FILIP1: variants seen among roughly 807,000 people sequenced by gnomAD.
FILIP1 encodes filamin-A-interacting protein 1.
In FILIP1, 61 loss-of-function variants were observed where a neutral mutation model predicts 102.1. The ratio of observed to expected loss-of-function variants is 0.60; its 90% CI spans 0.49 to 0.74. The LOEUF (loss-of-function observed/expected upper bound fraction) is 0.74, where lower values mean the gene tolerates loss of function less well. Ranked by LOEUF, FILIP1 falls within the 30% of genes least tolerant of loss-of-function variation. The pLI is 0.00. For missense variants in FILIP1, 1,314 were observed against 1,441.2 expected (o/e 0.91, Z 1.43); for synonymous variants, 491 against 526.9 (o/e 0.93, Z 0.93).
At chr6:75,426,576 G>T (rs980210727) in intron 1 of FILIP1, among the ~76,000 whole-genome samples, 1 of 152,124 alleles carries the variant, frequency 6.6e-6, no homozygotes, top group African/African-American at 2.4e-5. Context: ...GCTAACAGGA[G>T]AGTCACCAAG....
chr6:75,431,702 C>G (rs1206219383), intron 1 of FILIP1, among the ~76,000 whole-genome samples: 1 of 152,174 alleles, frequency 6.6e-6, no homozygotes, highest in Non-Finnish European at 1.5e-5. Flanking sequence ...GCACAGCCAG[C>G]TGTCCTAGGC....
exon 7 of FILIP1, chr6:75,294,863 C>CTTTTTTTTTTTT (rs11299703): frequency 1.1e-5 from 1 of 90,536 alleles, no homozygotes; most frequent in East Asian, 3.6e-4. Flanking sequence ...CAGCTAACTT[C>CTTTTTTTTTTTT]TTTTTTTTTT....
At position 75,435,147 on chromosome 6, in the gene FILIP1, C is replaced by G. The variant is rs377101933; in HGVS notation, c.-6-20169G>C. ...ATCAGGGATATTGGTCTAAAATTCT[C>G]TTCTTTTGTTGTGTCTCTGCCAGGC... On this transcript the variant is annotated intron_variant, in intron 1 of 5. Coordinates refer to ENST00000237172, the MANE Select transcript of FILIP1 (RefSeq NM_015687.5). Among the ~76,000 whole-genome samples the G allele has an allele frequency of 1.9e-4, 29 of 152,172 alleles. 1 individual carries two copies. The highest frequency in any genetic ancestry group is 1.6e-3 in the Admixed American group (25 of 15,276).
chr6:75,461,620 A>G (rs1779024754), intron 1 of FILIP1, among the ~76,000 whole-genome samples: 1 of 152,162 alleles, frequency 6.6e-6, no homozygotes, highest in African/African-American at 2.4e-5. Context: ...GAGACCTACA[A>G]TGTTAGTAGG....
At chr6:75,441,940 C>G (rs1778266370) in intron 1 of FILIP1, among the ~76,000 whole-genome samples, 1 of 151,518 alleles carries the variant, frequency 6.6e-6, no homozygotes, top group African/African-American at 2.4e-5. Context: ...GGGGCTGACC[C>G]CCACCTCCCT....
At chr6:75,374,153 ATTAATAGTGTG>A (rs1339518107) in intron 2 of FILIP1, among the ~76,000 whole-genome samples, 1 of 152,154 alleles carries the variant, frequency 6.6e-6, no homozygotes, top group African/African-American at 2.4e-5. Flanking sequence ...ACATTAGGAT[ATTAATAGTGTG>A]TCAGCTGCAG....
At chr6:75,444,744 T>C (rs537963234) in intron 1 of FILIP1, among the ~76,000 whole-genome samples, 129 of 152,320 alleles carry the variant, frequency 8.5e-4, no homozygotes, top group African/African-American at 2.9e-3. Flanking sequence ...ATCCACACTT[T>C]AAAGGCTTCA....
chr6:75,352,277 A>G (rs769064577), intron 4 of FILIP1, among the ~76,000 whole-genome samples: 1 of 152,180 alleles, frequency 6.6e-6, no homozygotes, highest in African/African-American at 2.4e-5. Context: ...GTGGTTCTCA[A>G]TTTGCAAGCT....
At chr6:75,293,935 T>TA (rs1772604412) in exon 7 of FILIP1, 1 of 152,200 alleles carries the variant, frequency 6.6e-6, no homozygotes, top group Admixed American at 6.5e-5. Context: ...GTAACAATTC[T>TA]AAAAAATCAC....
At chr6:75,432,501 G>T (rs1037491934) in intron 1 of FILIP1, among the ~76,000 whole-genome samples, 1 of 152,132 alleles carries the variant, frequency 6.6e-6, no homozygotes, top group Non-Finnish European at 1.5e-5. Flanking sequence ...TATGCTAGCT[G>T]ATTAGGTGAA....
chr6:75,303,377 T>C (rs140294599), downstream of FILIP1, among the ~76,000 whole-genome samples: 1 of 152,198 alleles, frequency 6.6e-6, no homozygotes, highest in Non-Finnish European at 1.5e-5. Context: ...AATAGAGATG[T>C]GGGAAACATC....
chr6:75,309,285 C>A (rs999893905), intron 5 of FILIP1, among the ~76,000 whole-genome samples: 16 of 152,228 alleles, frequency 1.1e-4, no homozygotes, highest in African/African-American at 3.6e-4. Context: ...TCAGATGAAG[C>A]CACTCGCTTT....
intron 1 of FILIP1, among the ~76,000 whole-genome samples, chr6:75,489,719 A>G (rs1779904374): frequency 2.0e-5 from 3 of 151,736 alleles, no homozygotes; most frequent in Admixed American, 2.0e-4. Context: ...ACCTTTTCTG[A>G]CTCCTCTTCC....
chr6:75,318,077 C>A (rs1773503268), intron 4 of FILIP1, among the ~76,000 whole-genome samples: 1 of 152,054 alleles, frequency 6.6e-6, no homozygotes, highest in African/African-American at 2.4e-5. Flanking sequence ...TTCCTCCCTG[C>A]TCCTTTTTTT....
chr6:75,343,103 A>G (rs1469951848), intron 4 of FILIP1, among the ~76,000 whole-genome samples: 1 of 152,170 alleles, frequency 6.6e-6, no homozygotes, highest in Non-Finnish European at 1.5e-5. Context: ...TAGGATTGGT[A>G]GCCTTATAAG....
chr6:75,423,093 A>G (rs989726906), intron 1 of FILIP1, among the ~76,000 whole-genome samples: 1 of 152,172 alleles, frequency 6.6e-6, no homozygotes, highest in Non-Finnish European at 1.5e-5. Context: ...GTGGCTGGCC[A>G]TCAGTTGACA....
chr6:75,417,768 G>A (rs1345757010), intron 1 of FILIP1, among the ~76,000 whole-genome samples: 2 of 152,162 alleles, frequency 1.3e-5, no homozygotes, highest in Non-Finnish European at 2.9e-5. Context: ...TCCTAGTGGA[G>A]AGAAAAACTA....
intron 1 of FILIP1, among the ~76,000 whole-genome samples, chr6:75,438,812 AGAAT>A (rs1280719270): frequency 6.6e-6 from 1 of 152,246 alleles, no homozygotes; most frequent in East Asian, 1.9e-4. Flanking sequence ...GGAAGCAACT[AGAAT>A]GTTGCTTCTA....
intron 4 of FILIP1, 135 bp downstream of exon 4, chr6:75,353,404 C>T: frequency 1.3e-6 from 1 of 778,984 alleles, no homozygotes; most frequent in African/African-American, 1.7e-5. Context: ...GGTTACCACC[C>T]ATTCAAAAAT....
Sources: allele counts gnomAD v4.1 joint callset (sites outside exome capture counted in the v4.1 genomes callset), GRCh38; gene constraint gnomAD v4.1.1; transcripts MANE v1.5; gene names NCBI Gene and HGNC (gene_info 2026-07-23, HGNC 2026-07-21).